Variants in RIC3 observed in about 807,000 individuals in gnomAD.
RIC3 encodes the protein RIC3 acetylcholine receptor chaperone.
Under a neutral mutation model 27.3 loss-of-function variants are expected in RIC3, and 28 were observed. The ratio of observed to expected loss-of-function variants is 1.02; its 90% CI spans 0.76 to 1.41. RIC3 has a LOEUF of 1.41. Ranked by LOEUF, RIC3 falls within the 40% of genes most tolerant of loss-of-function variation. RIC3 has a pLI of 0.00. For synonymous variants in RIC3, 184 were observed against 160.4 expected (o/e 1.15, Z -1.11); for missense variants, 501 against 444.7 (o/e 1.13, Z -1.14).
chr11:8,101,828 G>A, downstream of RIC3: 3 of 733,470 alleles, frequency 4.1e-6, no homozygotes, highest in South Asian at 5.9e-5. Context: ...GTGGGTGGGT[G>A]TGAAGGGATG....
chr11:8,162,629 CTTTTTTTTTTTTTTTT>C (rs757717970), intron 1 of RIC3, among the ~76,000 whole-genome samples: 1 of 83,706 alleles, frequency 1.2e-5, no homozygotes, highest in Non-Finnish European at 2.4e-5. Flanking sequence ...CATGCTTCTT[CTTTTTTTTTTTTTTTT>C]TTTTTTTTTT....
intron 1 of RIC3, among the ~76,000 whole-genome samples, chr11:8,141,686 C>T (rs1949090340): frequency 6.6e-6 from 1 of 152,072 alleles, no homozygotes; most frequent in East Asian, 1.9e-4. Flanking sequence ...ACCTAATAGA[C>T]ACCTACAGAA....
chr11:8,105,168 T>C (rs1393783589), downstream of RIC3: 2 of 152,230 alleles, frequency 1.3e-5, no homozygotes, highest in East Asian at 3.8e-4. Flanking sequence ...TTTCTCTTAC[T>C]GCAGTAACAC....
intron 5 of RIC3, among the ~76,000 whole-genome samples, chr11:8,115,502 C>CATAT (rs141974976): frequency 0.035 from 5,293 of 150,954 alleles, 112 homozygotes; most frequent in South Asian, 0.083. Context: ...CACAAATATA[C>CATAT]ATATATATAT....
intron 5 of RIC3, among the ~76,000 whole-genome samples, chr11:8,124,571 C>G (rs1316896722): frequency 6.6e-6 from 1 of 151,870 alleles, no homozygotes. Flanking sequence ...AGGAAATAGC[C>G]AAAATAATCT....
rs17855498 is a variant in RIC3 at position 8,140,148 on chromosome 11, G to A, written c.170C>T (p.Pro57Leu). The A allele has an allele frequency of 3.1e-6, 5 of 1,614,000 alleles. No individual in the cohort carries two copies. The highest frequency in any genetic ancestry group is 1.7e-5 in the Admixed American group (1 of 59,970). ...FPPMMHHHQA[P>L]SDGQTPGARF... ...AGCCCCAGGAGTCTGGCCATCTGAG[G>A]GTGCCTGGTGATGATGCATCATAGG... The change falls in exon 2 of 6, where the codon CCC (proline) becomes CTC (leucine). Residue 57 changes from proline (P) to leucine (L), a missense_variant. By Grantham distance (98) the Pro-to-Leu change is moderately conservative. Coordinates refer to ENST00000309737, the MANE Select transcript of RIC3 (RefSeq NM_001206671.4).
chr11:8,121,887 T>C (rs1946498972), intron 5 of RIC3, among the ~76,000 whole-genome samples: 1 of 152,122 alleles, frequency 6.6e-6, no homozygotes, highest in Non-Finnish European at 1.5e-5. Context: ...TTTAAAAAAA[T>C]TAACCTTTTT....
chr11:8,137,288 T>G (rs1380433524), intron 4 of RIC3, 90 bp downstream of exon 4: 3 of 1,120,638 alleles, frequency 2.7e-6, no homozygotes, highest in Middle Eastern at 2.0e-4. Flanking sequence ...CCTCCCAAAG[T>G]GCTGGGATTA....
At chr11:8,113,271 A>G (rs1299664780) in intron 5 of RIC3, among the ~76,000 whole-genome samples, 1 of 152,160 alleles carries the variant, frequency 6.6e-6, no homozygotes, top group African/African-American at 2.4e-5. Flanking sequence ...AACAAAGCTT[A>G]TCTTTGAATT....
intron 3 of RIC3, 90 bp downstream of exon 3, chr11:8,138,182 G>T (rs1948626151): frequency 1.1e-6 from 1 of 881,300 alleles, no homozygotes; most frequent in Non-Finnish European, 1.8e-6. Context: ...TTTGAGAAAT[G>T]CTTTTAAGAC....
In RIC3 at chr11:8,168,919, GGCAGCA is replaced by G. The variant is rs1565156626; in HGVS notation, c.65_70del (p.Leu22_Leu23del). On this transcript the variant is annotated inframe_deletion, in exon 1 of 6. Transcript: ENST00000309737. ...CTTCCCGCGGGACAGGAAGGCCTTG[GGCAGCA>G]GCAGCGACAGAGCCAGGACAAGCCC... The G allele has an allele frequency of 8.7e-6, 14 of 1,612,006 alleles. No individual in the cohort carries two copies. Among genetic ancestry groups the G allele is most frequent in the Non-Finnish European group, 1.1e-5 (13 of 1,179,148 alleles).
At chr11:8,093,817 A>T in the RIC3 span, among the ~76,000 whole-genome samples, 1 of 152,088 alleles carries the variant, frequency 6.6e-6, no homozygotes, top group East Asian at 1.9e-4. Context: ...TGTTGACTTG[A>T]TTACACTGGG....
At chr11:8,098,849 C>A in the RIC3 span, 1 of 1,614,044 alleles carries the variant, frequency 6.2e-7, no homozygotes, top group Non-Finnish European at 8.5e-7. Context: ...TGGAACCTTA[C>A]GTCAGGAGCT....
At chr11:8,155,847 A>C (rs1950613595) in intron 1 of RIC3, among the ~76,000 whole-genome samples, 1 of 152,196 alleles carries the variant, frequency 6.6e-6, no homozygotes, top group South Asian at 2.1e-4. Flanking sequence ...GCTTTTCCCT[A>C]AATATTGAGG....
intron 4 of RIC3, among the ~76,000 whole-genome samples, chr11:8,136,571 G>T (rs796559648): frequency 1.8e-4 from 28 of 152,282 alleles, no homozygotes; most frequent in African/African-American, 6.0e-4. Flanking sequence ...CAGCCTGGTA[G>T]CAAGAGGAGT....
intron 1 of RIC3, among the ~76,000 whole-genome samples, chr11:8,161,920 C>T (rs910381112): frequency 2.9e-5 from 4 of 138,802 alleles, no homozygotes; most frequent in Non-Finnish European, 4.7e-5. Flanking sequence ...TCACTTTCTC[C>T]GGGCAATGGA....
chr11:8,140,676 C>T (rs1301249730), intron 1 of RIC3, among the ~76,000 whole-genome samples: 1 of 152,164 alleles, frequency 6.6e-6, no homozygotes, highest in Non-Finnish European at 1.5e-5. Context: ...CCACTGCTGC[C>T]ACCTCACTAA....
downstream of RIC3, chr11:8,104,631 C>G (rs1348935789): frequency 2.0e-5 from 3 of 152,184 alleles, no homozygotes; most frequent in Non-Finnish European, 4.4e-5. Context: ...AGCTTTTTCT[C>G]TCAGGGTTCT....
At chr11:8,097,071 A>G in the RIC3 span, among the ~76,000 whole-genome samples, 1 of 152,038 alleles carries the variant, frequency 6.6e-6, no homozygotes, top group African/African-American at 2.4e-5. Context: ...GGCTGGGAAG[A>G]TAGCTTCTGA....
Sources: allele counts gnomAD v4.1 joint callset (sites outside exome capture counted in the v4.1 genomes callset), GRCh38; gene constraint gnomAD v4.1.1; transcripts MANE v1.5; gene names NCBI Gene and HGNC (gene_info 2026-07-23, HGNC 2026-07-21).